The following PHF2 variants were observed in gnomAD, a reference collection of about 807,000 sequenced individuals.
PHF2 encodes PHD finger protein 2.
PHF2 carries 27 observed loss-of-function variants against 120.5 expected under a neutral mutation model. The observed-to-expected ratio is 0.22, with a 90% confidence interval of 0.17 to 0.31. PHF2 has a LOEUF of 0.31. Among genes scored for constraint, PHF2 ranks in the 10% least tolerant of loss-of-function variants. The probability of loss-of-function intolerance (pLI) is 1.00; values close to 1 mark genes in which losing one functional copy is unlikely to be tolerated. For synonymous variants in PHF2, 568 were observed against 592.5 expected (o/e 0.96, Z 0.60); for missense variants, 1,024 against 1,434.8 (o/e 0.71, Z 4.63).
intron 1 of PHF2, among the ~76,000 whole-genome samples, chr9:93,612,243 A>G (rs1244145222): frequency 2.6e-5 from 4 of 152,258 alleles, no homozygotes; most frequent in African/African-American, 9.6e-5. Flanking sequence ...CACATGATCC[A>G]CGTATCTATG....
chr9:93,646,076 T>C (rs75952566), intron 4 of PHF2, among the ~76,000 whole-genome samples: 4,401 of 152,322 alleles, frequency 0.029, 208 homozygotes, highest in African/African-American at 0.099. Context: ...ATTGCATTAC[T>C]GTGGGTGCTA....
intron 1 of PHF2, among the ~76,000 whole-genome samples, chr9:93,580,934 T>A (rs1238140986): frequency 6.6e-6 from 1 of 151,294 alleles, no homozygotes; most frequent in Non-Finnish European, 1.5e-5. Flanking sequence ...TGGGGAGAGG[T>A]TGGGAGAAGG....
intron 20 of PHF2, 64 bp downstream of exon 20, chr9:93,675,853 G>A (rs1410052503): frequency 2.4e-6 from 3 of 1,236,146 alleles, no homozygotes; most frequent in Admixed American, 1.8e-5. Context: ...GGTGGGCTCA[G>A]GTTCCCCAAG....
Position 93,667,135 on chromosome 9 carries a change from G to T in PHF2, c.2243G>T (p.Gly748Val). Residue 748 changes from glycine to valine, a missense_variant, in exon 17 of 22, where the codon GGC becomes GTC. Gly to Val is a moderately radical substitution (Grantham distance 109). Transcript: ENST00000359246. ...SLHIDTDTKP[G>V]RNARVKKESG... ...CACATCGACACAGACACCAAGCCCG[G>T]CCGCAATGCCAGAGTCAAGAAGGAG... The T allele has an allele frequency of 6.2e-7, 1 of 1,613,302 alleles. No homozygotes were observed. The highest frequency in any genetic ancestry group is 8.5e-7 in the Non-Finnish European group (1 of 1,179,994).
chr9:93,672,123 TG>T (rs1408488203), intron 17 of PHF2, among the ~76,000 whole-genome samples: 1 of 87,218 alleles, frequency 1.1e-5, no homozygotes, highest in Non-Finnish European at 2.4e-5. Context: ...GATGCAGGTG[TG>T]GGTGCGGATG....
At chr9:93,612,942 C>G (rs114908909) in intron 1 of PHF2, among the ~76,000 whole-genome samples, 1 of 152,240 alleles carries the variant, frequency 6.6e-6, no homozygotes, top group South Asian at 2.1e-4. Context: ...TAATTGCACC[C>G]TTCACGTGGA....
intron 1 of PHF2, among the ~76,000 whole-genome samples, chr9:93,611,413 C>G (rs1487445643): frequency 1.2e-5 from 1 of 85,572 alleles, no homozygotes; most frequent in Non-Finnish European, 3.3e-5. Flanking sequence ...AAAACTCTGT[C>G]TCAAAAAAAA....
intron 1 of PHF2, among the ~76,000 whole-genome samples, chr9:93,619,485 C>T (rs1057312229): frequency 7.9e-5 from 12 of 152,228 alleles, no homozygotes; most frequent in South Asian, 2.1e-4. Flanking sequence ...GAAGGCGACT[C>T]GTGGGGTGGT....
chr9:93,667,472 A>G (rs562043766), intron 17 of PHF2, among the ~76,000 whole-genome samples: 1 of 152,326 alleles, frequency 6.6e-6, no homozygotes, highest in African/African-American at 2.4e-5. Flanking sequence ...GTAAATTCAG[A>G]ACCACAGGTT....
chr9:93,643,004 T>C (rs1463416131), intron 3 of PHF2, among the ~76,000 whole-genome samples: 1 of 152,196 alleles, frequency 6.6e-6, no homozygotes, highest in African/African-American at 2.4e-5. Flanking sequence ...TCCTTCTGAA[T>C]GTGTTGAGTA....
chr9:93,661,349 G>T (rs554068677), intron 12 of PHF2, among the ~76,000 whole-genome samples: 1 of 152,172 alleles, frequency 6.6e-6, no homozygotes, highest in African/African-American at 2.4e-5. Flanking sequence ...CTTTCTCAGG[G>T]CAAGCATGAA....
intron 1 of PHF2, among the ~76,000 whole-genome samples, chr9:93,611,004 C>T (rs1825624040): frequency 6.6e-6 from 1 of 152,230 alleles, no homozygotes; most frequent in South Asian, 2.1e-4. Flanking sequence ...AGTCTTCTTT[C>T]GGATACTGTG....
intron 1 of PHF2, among the ~76,000 whole-genome samples, chr9:93,611,930 C>T (rs1187724782): frequency 6.6e-6 from 1 of 152,206 alleles, no homozygotes; most frequent in African/African-American, 2.4e-5. Context: ...CCCTGCTGAG[C>T]ACAGCCACCA....
chr9:93,663,305 C>G (rs534463544), intron 13 of PHF2, among the ~76,000 whole-genome samples: 1 of 152,156 alleles, frequency 6.6e-6, no homozygotes, highest in African/African-American at 2.4e-5. Context: ...GGTTTTCATT[C>G]CCACTCCATG....
chr9:93,672,599 GGT>G, intron 17 of PHF2: 1 of 984,776 alleles, frequency 1.0e-6, no homozygotes, highest in Non-Finnish European at 1.2e-6. Context: ...TGTAGATGGA[GGT>G]GTGGGTATGG....
At chr9:93,676,220 G>C (rs1826908150) in intron 20 of PHF2, among the ~76,000 whole-genome samples, 1 of 152,194 alleles carries the variant, frequency 6.6e-6, no homozygotes, top group South Asian at 2.1e-4. Context: ...GGGTCCTAGA[G>C]CCTCACATAC....
intron 1 of PHF2, among the ~76,000 whole-genome samples, chr9:93,615,047 T>C (rs1825702235): frequency 6.6e-6 from 1 of 151,798 alleles, no homozygotes; most frequent in Non-Finnish European, 1.5e-5. Flanking sequence ...ATAGTGATGA[T>C]GATGGCGATG....
intron 1 of PHF2, among the ~76,000 whole-genome samples, chr9:93,600,354 G>A (rs1825417876): frequency 6.6e-6 from 1 of 152,134 alleles, no homozygotes; most frequent in African/African-American, 2.4e-5. Context: ...GGAGGGCAGG[G>A]CACTCAGTGT....
At position 93,677,037 on chromosome 9, in the gene PHF2, A is replaced by T; in HGVS notation, c.3202+74A>T. On this transcript the variant is annotated intron_variant, in intron 21 of 21. Coordinates refer to ENST00000359246, the MANE Select transcript of PHF2 (RefSeq NM_005392.4). The surrounding 1 kb of genome is among the most constrained non-coding windows in gnomAD (Gnocchi z 4.4). ...CCCATGGGCAGCCCCAGACATGCAG[A>T]CTCGGCCCATGGTAGAGGGCAGCAC... 3 of 1,428,322 alleles carry T rather than the reference A, an allele frequency of 2.1e-6. No individual in the cohort carries two copies. The highest frequency in any genetic ancestry group is 2.8e-6 in the Non-Finnish European group (3 of 1,076,908). The allele number at this position is 1,428,322 out of a possible 1,614,324, so 88.5% of individuals were successfully genotyped here.
Sources: gnomAD v4.1 joint callset for allele counts (sites outside exome capture counted in the v4.1 genomes callset) on GRCh38, gnomAD v4.1.1 for gene constraint, Gnocchi (gnomAD v3.1) non-coding constraint, MANE v1.5 for transcripts, NCBI Gene and HGNC (gene_info 2026-07-23, HGNC 2026-07-21) for gene names.